The following GRAMD1B variants were observed in gnomAD, a reference collection of about 807,000 sequenced individuals.
GRAMD1B encodes GRAM domain containing 1B, also known as protein Aster-B.
In GRAMD1B, 37 loss-of-function variants were observed where a neutral mutation model predicts 99.7. The ratio of observed to expected loss-of-function variants is 0.37; its 90% CI spans 0.29 to 0.49. GRAMD1B has a LOEUF of 0.49. Ranked by LOEUF, GRAMD1B falls within the 20% of genes least tolerant of loss-of-function variation. The pLI is 0.98. For missense variants in GRAMD1B, 888 were observed against 1,009.2 expected (o/e 0.88, Z 1.63); for synonymous variants, 427 against 387.6 (o/e 1.10, Z -1.19).
chr11:123,462,896 A>T (rs1336748205), intron 1 of GRAMD1B, among the ~76,000 whole-genome samples: 5 of 148,326 alleles, frequency 3.4e-5, no homozygotes, highest in African/African-American at 1.2e-4. Flanking sequence ...TAAATTAAAA[A>T]AAAAAAAAAA....
intron 7 of GRAMD1B, chr11:123,598,169 A>G: frequency 6.5e-7 from 1 of 1,534,906 alleles, no homozygotes; most frequent in Non-Finnish European, 9.0e-7. Flanking sequence ...GCATGATGCC[A>G]TTCAGCAAAG....
upstream of GRAMD1B, among the ~76,000 whole-genome samples, chr11:123,425,565 C>T (rs545886046): frequency 1.3e-5 from 2 of 152,278 alleles, no homozygotes; most frequent in South Asian, 2.1e-4. Flanking sequence ...CCTGAGGTGA[C>T]GTCACTGCTC....
chr11:123,424,432 G>T (rs780907056), intron 1 of GRAMD1B, among the ~76,000 whole-genome samples: 1 of 152,086 alleles, frequency 6.6e-6, no homozygotes. Flanking sequence ...AGAAGTTCAA[G>T]ACAAGCCTGG....
chr11:123,383,609 T>G (rs1946959598), intron 1 of GRAMD1B, among the ~76,000 whole-genome samples: 1 of 152,104 alleles, frequency 6.6e-6, no homozygotes, highest in Admixed American at 6.5e-5. Flanking sequence ...CCTACTCATT[T>G]TCTCTTATAC....
chr11:123,438,153 G>T (rs1949248170), intron 1 of GRAMD1B, among the ~76,000 whole-genome samples: 1 of 152,208 alleles, frequency 6.6e-6, no homozygotes, highest in Non-Finnish European at 1.5e-5. Flanking sequence ...TTTCTGCCAA[G>T]CAGCCTTAAA....
chr11:123,446,807 T>C (rs1187756930), intron 1 of GRAMD1B, among the ~76,000 whole-genome samples: 1 of 151,812 alleles, frequency 6.6e-6, no homozygotes, highest in Non-Finnish European at 1.5e-5. Context: ...TGGCGGTGTG[T>C]GCGTGTAGTC....
intron 7 of GRAMD1B, among the ~76,000 whole-genome samples, chr11:123,597,301 C>A (rs1951409043): frequency 8.0e-6 from 1 of 124,914 alleles, no homozygotes; most frequent in Non-Finnish European, 1.6e-5. Context: ...GACAGGCTCT[C>A]ACTATGTTAC....
chr11:123,574,094 GAAGA>G, intron 2 of GRAMD1B, among the ~76,000 whole-genome samples: 1 of 145,592 alleles, frequency 6.9e-6, no homozygotes. Context: ...AAAAAAAAAA[GAAGA>G]AAGAGCAGGA....
intron 7 of GRAMD1B, among the ~76,000 whole-genome samples, chr11:123,597,028 C>G (rs1951352613): frequency 6.6e-6 from 1 of 152,076 alleles, no homozygotes; most frequent in Non-Finnish European, 1.5e-5. Context: ...TAGACAGACC[C>G]ATCAAAGTCT....
chr11:123,572,894 C>T (rs1475122687), intron 2 of GRAMD1B, among the ~76,000 whole-genome samples: 3 of 145,704 alleles, frequency 2.1e-5, no homozygotes, highest in Admixed American at 6.8e-5. Flanking sequence ...GGGACAGGGG[C>T]GCAGGTAGAC....
chr11:123,599,133 G>A (rs1951643771), intron 7 of GRAMD1B: 10 of 818,334 alleles, frequency 1.2e-5, no homozygotes, highest in Non-Finnish European at 2.0e-5. Context: ...AAATTCCACT[G>A]ACATTGCCAC....
At chr11:123,369,457 A>G (rs560434532) in intron 1 of GRAMD1B, among the ~76,000 whole-genome samples, 3 of 152,178 alleles carry the variant, frequency 2.0e-5, no homozygotes, top group Non-Finnish European at 2.9e-5. Context: ...ACAAATAAAC[A>G]AAGGAAATGG....
intron 1 of GRAMD1B, among the ~76,000 whole-genome samples, chr11:123,467,696 A>T (rs554605014): frequency 5.3e-5 from 8 of 152,112 alleles, no homozygotes; most frequent in Non-Finnish European, 8.8e-5. Context: ...AGTTGGTGGA[A>T]ACATGGATGG....
chr11:123,577,807 ATT>A (rs36014098), intron 3 of GRAMD1B, among the ~76,000 whole-genome samples: 18 of 145,944 alleles, frequency 1.2e-4, no homozygotes, highest in African/African-American at 3.5e-4. Flanking sequence ...GGAGGCTCAT[ATT>A]TTTTTTTTTT....
intron 2 of GRAMD1B, among the ~76,000 whole-genome samples, chr11:123,488,637 G>A (rs561479166): frequency 1.3e-5 from 2 of 151,584 alleles, no homozygotes; most frequent in South Asian, 2.1e-4. Context: ...TTCTCCCCTC[G>A]CCACCCCACG....
intron 8 of GRAMD1B, among the ~76,000 whole-genome samples, chr11:123,602,664 C>T (rs999912701): frequency 6.6e-6 from 1 of 152,152 alleles, no homozygotes; most frequent in Non-Finnish European, 1.5e-5. Flanking sequence ...TTTGACATCC[C>T]TTTGCCTCTC....
chr11:123,492,078 A>C lies in GRAMD1B; in HGVS notation c.452+11185A>C, dbSNP rs1268427786. ...TCGGTGATCCATTGCAAGAGGCTGAAGGGAAAGGCCAAGGGGTATGGGTGG... is the reference window on the plus strand; with the variant it reads ...TCGGTGATCCATTGCAAGAGGCTGACGGGAAAGGCCAAGGGGTATGGGTGG... On this transcript the variant is annotated intron_variant, in intron 2 of 19. Coordinates refer to ENST00000635736, the MANE Select transcript of GRAMD1B (RefSeq NM_001387025.1). This position sits in a 1 kb window ranked among gnomAD's most constrained non-coding sequence, Gnocchi z 4.2. 3 of 394,364 alleles carry C rather than the reference A, an allele frequency of 7.6e-6. No homozygotes were observed. The highest frequency in any genetic ancestry group is 2.1e-5 in the African/African-American group (1 of 48,524). 24.4% of individuals were successfully genotyped at this position (394,364 alleles called of 1,614,324 possible).
At chr11:123,583,588 C>G (rs1284958496) in intron 3 of GRAMD1B, among the ~76,000 whole-genome samples, 2 of 152,182 alleles carry the variant, frequency 1.3e-5, no homozygotes, top group Non-Finnish European at 2.9e-5. Context: ...GCTATCCCTC[C>G]TGTTCCCCTG....
At chr11:123,439,718 C>G (rs1467139807) in intron 1 of GRAMD1B, among the ~76,000 whole-genome samples, 1 of 152,150 alleles carries the variant, frequency 6.6e-6, no homozygotes, top group Admixed American at 6.5e-5. Context: ...AGGCCTCTGA[C>G]CTGAAATCTC....
Sources: gnomAD v4.1 joint callset for allele counts (sites outside exome capture counted in the v4.1 genomes callset) on GRCh38, gnomAD v4.1.1 for gene constraint, Gnocchi (gnomAD v3.1) non-coding constraint, MANE v1.5 for transcripts, NCBI Gene and HGNC (gene_info 2026-07-23, HGNC 2026-07-21) for gene names.